The following YTHDC2 variants were observed in gnomAD, a reference collection of about 807,000 sequenced individuals.
YTHDC2 encodes 3'-5' RNA helicase YTHDC2.
In YTHDC2, 45 loss-of-function variants were observed where a neutral mutation model predicts 174.9. The observed-to-expected ratio is 0.26, with a 90% confidence interval of 0.20 to 0.33. The LOEUF is 0.33. Ranked by LOEUF, YTHDC2 falls within the 10% of genes least tolerant of loss-of-function variation. YTHDC2 has a pLI of 1.00. For synonymous variants in YTHDC2, 657 were observed against 574.5 expected (o/e 1.14, Z -2.05); for missense variants, 1,650 against 1,723.7 (o/e 0.96, Z 0.76).
rs1437647872 is a variant in YTHDC2, at chr5:113,513,711, G to T, written c.-185G>T. 2 of 654,856 alleles carry T rather than the reference G, an allele frequency of 3.1e-6. No individual in the cohort carries two copies. The highest frequency in any genetic ancestry group is 3.9e-5 in the African/African-American group (2 of 51,384). The allele number at this position is 654,856 out of a possible 1,614,324, so 40.6% of individuals were successfully genotyped here. A position where few individuals can be genotyped will look rare whatever the true frequency, so the allele number is the denominator to read the frequency against. On this transcript the variant is annotated 5_prime_UTR_variant, in exon 1 of 30. Transcript: ENST00000161863. ...ACGCCCGCGCTCCTCGCCTGGCCGT[G>T]ATATCAATGGCGCAGGCTTCACTTC...
intron 23 of YTHDC2, among the ~76,000 whole-genome samples, chr5:113,572,952 T>A (rs745835080): frequency 2.6e-5 from 4 of 152,224 alleles, no homozygotes; most frequent in African/African-American, 4.8e-5. Flanking sequence ...TTTACCCCAT[T>A]TACCTTCAAT....
chr5:113,539,719 T>C (rs1366181316), intron 8 of YTHDC2, among the ~76,000 whole-genome samples: 1 of 152,212 alleles, frequency 6.6e-6, no homozygotes, highest in Non-Finnish European at 1.5e-5. Context: ...TTATTCATCA[T>C]AGAAGACTTG....
chr5:113,560,838 A>C (rs1341963859), intron 17 of YTHDC2, among the ~76,000 whole-genome samples: 1 of 152,182 alleles, frequency 6.6e-6, no homozygotes, highest in Non-Finnish European at 1.5e-5. Context: ...GATTTTTACC[A>C]TAACCCTACA....
At chr5:113,566,556 G>C (rs1039815540) in intron 21 of YTHDC2, among the ~76,000 whole-genome samples, 3 of 149,478 alleles carry the variant, frequency 2.0e-5, no homozygotes, top group Non-Finnish European at 4.4e-5. Context: ...AATAGTACCA[G>C]AGCCTGGATT....
At chr5:113,519,717 G>C (rs532657245) in intron 2 of YTHDC2, among the ~76,000 whole-genome samples, 2 of 152,212 alleles carry the variant, frequency 1.3e-5, no homozygotes, top group South Asian at 2.1e-4. Flanking sequence ...CATTTACTAA[G>C]TGTTGTTGTA....
chr5:113,588,853 G>T (rs1421447575), intron 26 of YTHDC2, among the ~76,000 whole-genome samples: 1 of 151,892 alleles, frequency 6.6e-6, no homozygotes, highest in Non-Finnish European at 1.5e-5. Flanking sequence ...TCGAACTCCT[G>T]ATCTCAAGTG....
chr5:113,518,931 G>T (rs1185439981), intron 2 of YTHDC2, among the ~76,000 whole-genome samples: 1 of 152,012 alleles, frequency 6.6e-6, no homozygotes, highest in Admixed American at 6.6e-5. Context: ...GTCCAGGCTG[G>T]AGTACAGTGG....
intron 11 of YTHDC2, 37 bp downstream of exon 11, chr5:113,548,704 G>T (rs2112652429): frequency 6.3e-7 from 1 of 1,575,452 alleles, no homozygotes; most frequent in Non-Finnish European, 8.6e-7. Context: ...ATATATCTTT[G>T]TATAGCTACA....
rs1231271219 is a variant in YTHDC2 at position 113,581,684 on chromosome 5, T to C, written c.3622T>C (p.Ser1208Pro). 1 of 1,607,482 alleles carries C rather than the reference T, an allele frequency of 6.2e-7. No individual in the cohort carries two copies. Among genetic ancestry groups the C allele is most frequent in the Non-Finnish European group, 8.5e-7 (1 of 1,177,806 alleles). Residue 1208 changes from serine to proline, a missense_variant, in exon 25 of 30, where the codon TCT becomes CCT. By Grantham distance (74) the Ser-to-Pro change is moderately conservative. This residue lies in a region of YTHDC2 where 913 missense variants were observed against 940.4 expected (regional missense o/e 0.97). Coordinates refer to ENST00000161863, the MANE Select transcript of YTHDC2 (RefSeq NM_022828.5). ...GAAAAGTTCAGCAGATACTGAATTTTCTGATGAGTGTACTACTGCAGAAAG... is the reference window on the plus strand; with the variant it reads ...GAAAAGTTCAGCAGATACTGAATTTCCTGATGAGTGTACTACTGCAGAAAG... ...SRKSSADTEF[S>P]DECTTAERVL...
chr5:113,533,536 C>T (rs889971536), intron 5 of YTHDC2, among the ~76,000 whole-genome samples: 6 of 148,902 alleles, frequency 4.0e-5, no homozygotes, highest in Admixed American at 2.7e-4. Flanking sequence ...GCAACAAGAG[C>T]GAAACCGTCT....
intron 26 of YTHDC2, among the ~76,000 whole-genome samples, chr5:113,588,703 A>G (rs977819940): frequency 1.3e-5 from 2 of 151,802 alleles, no homozygotes; most frequent in Admixed American, 1.3e-4. Context: ...GCTCACTACA[A>G]GCTCAGCCTC....
chr5:113,590,581 TTCTG>T (rs1778953939), intron 26 of YTHDC2, among the ~76,000 whole-genome samples: 1 of 152,210 alleles, frequency 6.6e-6, no homozygotes, highest in African/African-American at 2.4e-5. Flanking sequence ...TGCAGCTCCT[TTCTG>T]TCTAAGATAG....
chr5:113,560,209 C>T (rs562344536), intron 17 of YTHDC2, among the ~76,000 whole-genome samples: 2 of 152,118 alleles, frequency 1.3e-5, no homozygotes, highest in African/African-American at 4.8e-5. Flanking sequence ...CTTAAAATAC[C>T]TATAAAGGAC....
intron 2 of YTHDC2, among the ~76,000 whole-genome samples, chr5:113,524,087 G>A (rs1011094239): frequency 3.3e-5 from 5 of 152,028 alleles, no homozygotes; most frequent in Non-Finnish European, 7.4e-5. Context: ...TATTACTATT[G>A]TGTTGGGCTC....
intron 17 of YTHDC2, among the ~76,000 whole-genome samples, chr5:113,558,833 A>G (rs1776773770): frequency 6.6e-6 from 1 of 151,690 alleles, no homozygotes; most frequent in Non-Finnish European, 1.5e-5. Flanking sequence ...GAAGCAGGAG[A>G]ATCGCTTGAA....
At chr5:113,524,335 T>C (rs1243977758) in intron 2 of YTHDC2, among the ~76,000 whole-genome samples, 1 of 152,124 alleles carries the variant, frequency 6.6e-6, no homozygotes, top group Non-Finnish European at 1.5e-5. Flanking sequence ...CCTGGACCAG[T>C]TGAGGAAACA....
At chr5:113,531,787 ATTTTTTAAC>A (rs1024748109) in intron 4 of YTHDC2, among the ~76,000 whole-genome samples, 5 of 152,126 alleles carry the variant, frequency 3.3e-5, no homozygotes, top group African/African-American at 1.2e-4. Flanking sequence ...AAACAGTTAT[ATTTTTTAAC>A]TATAAGATTG....
Position 113,533,132 on chromosome 5 carries a change from G to T in YTHDC2, c.842+87G>T, listed in dbSNP as rs1774795691. The T allele has an allele frequency of 2.1e-6, 3 of 1,441,832 alleles. No homozygotes were observed. The South Asian group carries it at 4.0e-5, about 19-fold the overall frequency. The allele number at this position is 1,441,832 out of a possible 1,614,324, so 89.3% of individuals were successfully genotyped here. A position where few individuals can be genotyped will look rare whatever the true frequency, so the allele number is the denominator to read the frequency against. Reference sequence around the variant, plus strand: ...ACTAAAAATAGAGGATGTGTTCGTTGAAAAGTTAGGTGATCATTTTGCTCC... The same window carrying T: ...ACTAAAAATAGAGGATGTGTTCGTTTAAAAGTTAGGTGATCATTTTGCTCC... On this transcript the variant is annotated intron_variant, in intron 5 of 29. Transcript: ENST00000161863.
chr5:113,586,803 A>C (rs889054966), intron 26 of YTHDC2, among the ~76,000 whole-genome samples: 2 of 147,256 alleles, frequency 1.4e-5, no homozygotes, highest in South Asian at 2.1e-4. Flanking sequence ...TCAAAAATCA[A>C]CTGGCCATAA....
Sources: gnomAD v4.1 joint callset for allele counts (sites outside exome capture counted in the v4.1 genomes callset) on GRCh38, gnomAD v4.1.1 for gene constraint, gnomAD v4.1.1 regional missense constraint, MANE v1.5 for transcripts, NCBI Gene and HGNC (gene_info 2026-07-23, HGNC 2026-07-21) for gene names.